Variants in RBFOX1 observed in about 807,000 individuals in gnomAD.
RBFOX1 encodes the protein RNA binding protein fox-1 homolog 1.
Under a neutral mutation model 57.7 loss-of-function variants are expected in RBFOX1, and 8 were observed. The observed-to-expected ratio is 0.14, with a 90% CI of 0.08 to 0.25. RBFOX1 has a LOEUF of 0.25. RBFOX1 is among the 10% of genes least tolerant of loss of function. The probability of loss-of-function intolerance (pLI) is 1.00; values close to 1 mark genes in which losing one functional copy is unlikely to be tolerated. For synonymous variants in RBFOX1, 326 were observed against 222.4 expected (o/e 1.47, Z -4.15); for missense variants, 611 against 548.5 (o/e 1.11, Z -1.14).
At chr16:5,362,331 C>T (rs532259930) in intron 1 of RBFOX1, among the ~76,000 whole-genome samples, 1 of 152,086 alleles carries the variant, frequency 6.6e-6, no homozygotes, top group East Asian at 1.9e-4. Context: ...TCTGGGACTA[C>T]AGGTGCACGC....
intron 1 of RBFOX1, among the ~76,000 whole-genome samples, chr16:6,311,056 G>A (rs527287336): frequency 5.9e-5 from 9 of 152,112 alleles, no homozygotes; most frequent in African/African-American, 1.7e-4. Context: ...CAGCACTTTG[G>A]GAGGCCAAGG....
intron 7 of RBFOX1, among the ~76,000 whole-genome samples, chr16:7,592,611 G>A (rs1346377482): frequency 3.3e-5 from 5 of 152,136 alleles, no homozygotes; most frequent in Non-Finnish European, 7.3e-5. Flanking sequence ...TAAATCCAAA[G>A]CCCTCGTTTC....
At chr16:5,751,712 A>C (rs971363257) in intron 3 of RBFOX1, among the ~76,000 whole-genome samples, 1 of 152,208 alleles carries the variant, frequency 6.6e-6, no homozygotes, top group African/African-American at 2.4e-5. Context: ...GCTGTAGAAT[A>C]TCCACTATTG....
At chr16:5,839,571 C>A (rs551408877) in intron 3 of RBFOX1, among the ~76,000 whole-genome samples, 1 of 152,288 alleles carries the variant, frequency 6.6e-6, no homozygotes, top group Non-Finnish European at 1.5e-5. Context: ...CCATCAGAGG[C>A]TTCTTAATCA....
chr16:7,295,324 A>T (rs1416215633), intron 4 of RBFOX1, among the ~76,000 whole-genome samples: 1 of 152,132 alleles, frequency 6.6e-6, no homozygotes, highest in African/African-American at 2.4e-5. Flanking sequence ...CCATAAATGT[A>T]TTGACTTTGT....
intron 1 of RBFOX1, among the ~76,000 whole-genome samples, chr16:5,381,526 A>G (rs2066130638): frequency 6.6e-6 from 1 of 152,184 alleles, no homozygotes; most frequent in Non-Finnish European, 1.5e-5. Context: ...GCAGGCCCAT[A>G]GACCACACTG....
chr16:7,237,516 TA>T (rs1329984035), intron 4 of RBFOX1, among the ~76,000 whole-genome samples: 1 of 152,156 alleles, frequency 6.6e-6, no homozygotes, highest in African/African-American at 2.4e-5. Context: ...TGAAGCACAA[TA>T]GAATGAGAAA....
intron 2 of RBFOX1, among the ~76,000 whole-genome samples, chr16:5,530,933 T>TATAAAAAAAAAAA (rs2044445513): frequency 1.8e-5 from 1 of 54,998 alleles, no homozygotes; most frequent in African/African-American, 7.7e-5. Flanking sequence ...ACTAAAAATA[T>TATAAAAAAAAAAA]AAAAAAAAAA....
intron 2 of RBFOX1, among the ~76,000 whole-genome samples, chr16:6,359,485 C>T (rs2088006124): frequency 6.6e-6 from 1 of 152,148 alleles, no homozygotes; most frequent in Non-Finnish European, 1.5e-5. Context: ...AGTGACTTGT[C>T]TTAGGATGGG....
intron 3 of RBFOX1, among the ~76,000 whole-genome samples, chr16:6,838,116 C>T (rs576117870): frequency 6.6e-6 from 1 of 152,090 alleles, no homozygotes; most frequent in African/African-American, 2.4e-5. Context: ...ACCTATCAAC[C>T]TGTTGTCTAG....
chr16:7,164,818 A>C (rs2079092167), intron 4 of RBFOX1, among the ~76,000 whole-genome samples: 1 of 152,212 alleles, frequency 6.6e-6, no homozygotes, highest in Admixed American at 6.5e-5. Context: ...TTTTAAAAAC[A>C]TTGCTGTTGT....
intron 4 of RBFOX1, among the ~76,000 whole-genome samples, chr16:7,470,505 TTGGA>T (rs1345926668): frequency 1.3e-5 from 2 of 150,624 alleles, no homozygotes; most frequent in African/African-American, 4.9e-5. Flanking sequence ...GGAAGAATGG[TTGGA>T]TGGATGGAGG....
At chr16:5,749,640 T>G (rs2053118997) in intron 3 of RBFOX1, among the ~76,000 whole-genome samples, 1 of 152,230 alleles carries the variant, frequency 6.6e-6, no homozygotes, top group South Asian at 2.1e-4. Flanking sequence ...TGATACCCTT[T>G]CTTCCAGTTG....
upstream of RBFOX1, among the ~76,000 whole-genome samples, chr16:6,015,893 T>C (rs1256335580): frequency 6.6e-6 from 1 of 152,200 alleles, no homozygotes; most frequent in Non-Finnish European, 1.5e-5. Context: ...GCTTCTCGAG[T>C]GCAGAAATTG....
At chr16:7,350,833 G>A (rs981875521) in intron 4 of RBFOX1, among the ~76,000 whole-genome samples, 6 of 152,194 alleles carry the variant, frequency 3.9e-5, no homozygotes, top group African/African-American at 1.4e-4. Flanking sequence ...ATGTATCTGT[G>A]TCTGTGCCTG....
chr16:6,446,456 A>G (rs1040159587), intron 2 of RBFOX1, among the ~76,000 whole-genome samples: 5 of 152,212 alleles, frequency 3.3e-5, no homozygotes, highest in Admixed American at 2.0e-4. Context: ...TTTCTCATGT[A>G]AGGGACATTC....
At position 6,666,767 on chromosome 16, in the gene RBFOX1, C is replaced by T. The variant is rs547009874; in HGVS notation, c.-16+12117C>T. Among the ~76,000 whole-genome samples, 185 of 152,106 alleles carry T rather than the reference C, an allele frequency of 1.2e-3. 1 individual carries two copies. Among genetic ancestry groups the T allele is most frequent in the Non-Finnish European group, 2.0e-3 (133 of 68,032 alleles). ...ACTTACGAGAGTTATTGCAACAAAA[C>T]CCTCCACATAACAGGAAAAACCTTG... is the stretch of plus-strand genomic sequence containing the variant. On this transcript the variant is annotated intron_variant, in intron 3 of 15. Coordinates refer to ENST00000550418, the MANE Select transcript of RBFOX1 (RefSeq NM_018723.4).
chr16:5,444,326 T>G (rs964152143), intron 1 of RBFOX1, among the ~76,000 whole-genome samples: 6 of 152,194 alleles, frequency 3.9e-5, no homozygotes, highest in African/African-American at 1.2e-4. Context: ...CACTCAGAGC[T>G]TTAGTTGTCA....
intron 4 of RBFOX1, among the ~76,000 whole-genome samples, chr16:7,441,190 T>A (rs1380629592): frequency 6.6e-6 from 1 of 152,152 alleles, no homozygotes; most frequent in East Asian, 1.9e-4. Flanking sequence ...CTCAGGAAAT[T>A]AATGCTGCAT....
Sources: gnomAD v4.1 joint callset for allele counts (sites outside exome capture counted in the v4.1 genomes callset) on GRCh38, gnomAD v4.1.1 for gene constraint, MANE v1.5 for transcripts, NCBI Gene and HGNC (gene_info 2026-07-23, HGNC 2026-07-21) for gene names.